Variants in ESRRG observed in about 807,000 individuals in gnomAD.
ESRRG encodes the protein estrogen-related receptor gamma.
In ESRRG, 13 loss-of-function variants were observed where a neutral mutation model predicts 44.0. The ratio of observed to expected loss-of-function variants is 0.30; its 90% CI spans 0.19 to 0.47. The LOEUF is 0.47. Ranked by LOEUF, ESRRG falls within the 20% of genes least tolerant of loss-of-function variation. The pLI, the probability that ESRRG is intolerant of heterozygous loss-of-function variation, is 1.00. For missense variants in ESRRG, 395 were observed against 580.6 expected, an observed-to-expected ratio of 0.68 and a Z score of 3.29; for synonymous variants, 215 against 214.6, an observed-to-expected ratio of 1.00 and a Z score of -0.02.
At chr1:216,735,757 G>A (rs2089746686) in intron 2 of ESRRG, among the ~76,000 whole-genome samples, 1 of 151,884 alleles carries the variant, frequency 6.6e-6, no homozygotes, top group South Asian at 2.1e-4. Flanking sequence ...AAGGTGGGTG[G>A]ATCATGAGGT....
chr1:216,715,226 T>C, intron 1 of ESRRG: 8 of 985,388 alleles, frequency 8.1e-6, no homozygotes, highest in Non-Finnish European at 9.6e-6. Flanking sequence ...ATCCCATGAC[T>C]GATGAGGCAG....
intron 2 of ESRRG, among the ~76,000 whole-genome samples, chr1:216,897,700 TCTAA>T (rs1332634170): frequency 6.6e-6 from 1 of 152,160 alleles, no homozygotes; most frequent in African/African-American, 2.4e-5. Context: ...ATGGTGGTGT[TCTAA>T]CTGTCATGGT....
chr1:217,137,483 G>T (rs2093065183), intron 1 of ESRRG, among the ~76,000 whole-genome samples: 1 of 152,212 alleles, frequency 6.6e-6, no homozygotes, highest in South Asian at 2.1e-4. Flanking sequence ...CGAAGACCGC[G>T]CCTGGGGCTC....
rs144322533 is a variant in ESRRG at position 216,763,568 on chromosome 1, C to T, written c.-13-86077G>A. Among the ~76,000 whole-genome samples, 361 of 152,202 alleles carry T rather than the reference C, an allele frequency of 2.4e-3. 8 individuals are homozygous for T. The East Asian group carries it at 0.055, about 23-fold the overall frequency. The stretch of plus-strand genomic sequence containing the variant: ...GAAAACTGGTCACAATATTAATATA[C>T]GCTTAGCATTTTGGGCTAAAGTCGA... On this transcript the variant is annotated intron_variant, in intron 2 of 7. Transcript: ENST00000359162.
At chr1:216,606,553 T>A (rs2150234990) in intron 3 of ESRRG, among the ~76,000 whole-genome samples, 1 of 152,222 alleles carries the variant, frequency 6.6e-6, no homozygotes, top group Admixed American at 6.5e-5. Context: ...CCACTCTTTC[T>A]CTTGCAGAGA....
chr1:216,813,188 T>C (rs1203123633), intron 2 of ESRRG, among the ~76,000 whole-genome samples: 1 of 152,150 alleles, frequency 6.6e-6, no homozygotes, highest in African/African-American at 2.4e-5. Context: ...CATTCGTCTG[T>C]TAAACACGTG....
chr1:216,711,850 G>C (rs959972371), intron 1 of ESRRG, among the ~76,000 whole-genome samples: 22 of 152,224 alleles, frequency 1.4e-4, no homozygotes, highest in Non-Finnish European at 2.4e-4. Context: ...TTTGATTATG[G>C]AATATGAATG....
chr1:216,681,357 A>ACATGTATACATGTG (rs1420040905), intron 1 of ESRRG, among the ~76,000 whole-genome samples: 1 of 152,104 alleles, frequency 6.6e-6, no homozygotes, highest in Non-Finnish European at 1.5e-5. Flanking sequence ...GGTTTGTTAC[A>ACATGTATACATGTG]CATGTATACA....
At chr1:216,823,144 A>G (rs1358761445) in intron 2 of ESRRG, among the ~76,000 whole-genome samples, 1 of 151,990 alleles carries the variant, frequency 6.6e-6, no homozygotes, top group Non-Finnish European at 1.5e-5. Flanking sequence ...TTTCATCTCA[A>G]TATTCCCAAT....
At position 217,069,909 on chromosome 1, in the gene ESRRG, G is replaced by A. The variant is rs144779205; in HGVS notation, c.-106+19598C>T. On this transcript the variant is annotated intron_variant, in intron 1 of 7. Coordinates refer to the ESRRG transcript ENST00000359162. Reference sequence around the variant, plus strand: ...CCCTCACATCATTCCTTAAAGACCAGATGATGGTGTCCCAGACTCAAAGGC... The same window carrying A: ...CCCTCACATCATTCCTTAAAGACCAAATGATGGTGTCCCAGACTCAAAGGC... Among the ~76,000 whole-genome samples the A allele has an allele frequency of 1.9e-3, 282 of 152,276 alleles. 3 individuals carry two copies. The highest frequency in any genetic ancestry group is 0.017 in the Middle Eastern group (5 of 294).
At chr1:217,067,550 T>C (rs1178111104) in intron 1 of ESRRG, among the ~76,000 whole-genome samples, 1 of 152,190 alleles carries the variant, frequency 6.6e-6, no homozygotes, top group African/African-American at 2.4e-5. Context: ...AGTCTGCCAG[T>C]AACATACAGT....
rs1576646016 is a variant in ESRRG, at chr1:216,796,979, C to T, written c.-13-119488G>A. On this transcript the variant is annotated intron_variant, in intron 2 of 7. Transcript: ENST00000359162. ...CGATCTCGGCTCACTACAATTTCTG[C>T]CTCCCAGGTTCAAGCGATTCTCCTC... Among the ~76,000 whole-genome samples the T allele has an allele frequency of 2.0e-5, 3 of 152,220 alleles. No individual in the cohort carries two copies. In the East Asian group the frequency reaches 5.8e-4, roughly 29 times the overall value.
intron 5 of ESRRG, among the ~76,000 whole-genome samples, chr1:216,545,230 GTTT>G (rs5780892): frequency 7.2e-6 from 1 of 139,628 alleles, no homozygotes; most frequent in Non-Finnish European, 1.6e-5. Context: ...TAATTTTTAT[GTTT>G]TTTTTTTTTT....
At chr1:216,939,428 CATT>C (rs962313387) in intron 2 of ESRRG, among the ~76,000 whole-genome samples, 4 of 131,360 alleles carry the variant, frequency 3.0e-5, no homozygotes, top group African/African-American at 5.7e-5. Context: ...ATGCGGAAAA[CATT>C]ATACCTTACT....
At chr1:217,017,394 A>G (rs1406879251) in intron 1 of ESRRG, among the ~76,000 whole-genome samples, 1 of 149,568 alleles carries the variant, frequency 6.7e-6, no homozygotes, top group Non-Finnish European at 1.5e-5. Flanking sequence ...AGACAGGATC[A>G]TATCTGAGTC....
intron 1 of ESRRG, among the ~76,000 whole-genome samples, chr1:216,698,893 C>T (rs556300683): frequency 1.3e-5 from 2 of 152,264 alleles, no homozygotes; most frequent in East Asian, 1.9e-4. Flanking sequence ...TCCTAGCCTA[C>T]GCCCACATGT....
chr1:216,522,418 G>A (rs2046374057), intron 5 of ESRRG, among the ~76,000 whole-genome samples: 1 of 149,616 alleles, frequency 6.7e-6, no homozygotes, highest in Non-Finnish European at 1.5e-5. Flanking sequence ...GACAATCTAT[G>A]CCTTACAAAA....
chr1:217,001,094 T>C (rs955415427), intron 1 of ESRRG, among the ~76,000 whole-genome samples: 1 of 152,266 alleles, frequency 6.6e-6, no homozygotes, highest in Non-Finnish European at 1.5e-5. Context: ...TTTTTAACTC[T>C]GAGTGAAAAA....
intron 1 of ESRRG, among the ~76,000 whole-genome samples, chr1:217,064,120 C>T (rs1300771862): frequency 6.6e-6 from 1 of 151,732 alleles, no homozygotes; most frequent in Admixed American, 6.6e-5. Flanking sequence ...GTGTGTTTTT[C>T]ATTAATCTTC....
Sources: allele counts gnomAD v4.1 joint callset (sites outside exome capture counted in the v4.1 genomes callset), GRCh38; gene constraint gnomAD v4.1.1; transcripts MANE v1.5; gene names NCBI Gene and HGNC (gene_info 2026-07-23, HGNC 2026-07-21).